Variants in RCOR1 observed in about 807,000 individuals in gnomAD.
RCOR1 encodes REST corepressor.
In RCOR1, 12 loss-of-function variants were observed where a neutral mutation model predicts 64.0. That is an observed-to-expected ratio of 0.19 (90% CI 0.12 to 0.30). The LOEUF (loss-of-function observed/expected upper bound fraction) is 0.30. Among genes scored for constraint, RCOR1 ranks in the 10% least tolerant of loss-of-function variants. The probability of loss-of-function intolerance (pLI) is 1.00; values close to 1 mark genes in which losing one functional copy is unlikely to be tolerated. For synonymous variants in RCOR1, 279 were observed against 227.2 expected, an observed-to-expected ratio of 1.23 and a Z score of -2.05; for missense variants, 502 against 621.2, an observed-to-expected ratio of 0.81 and a Z score of 2.04.
In RCOR1 at chr14:102,728,521, C is replaced by CT. The variant is rs1896314285; in HGVS notation, c.*2016dup. 1 of 152,234 alleles carries CT rather than the reference C, an allele frequency of 6.6e-6. No homozygotes were observed. The highest frequency in any genetic ancestry group is 6.5e-5 in the Admixed American group (1 of 15,278). 9.4% of individuals were successfully genotyped at this position (152,234 alleles called of 1,614,324 possible). On this transcript the variant is annotated 3_prime_UTR_variant, in exon 12 of 12. Coordinates refer to ENST00000262241, the MANE Select transcript of RCOR1 (RefSeq NM_015156.4). Reference sequence around the variant, plus strand: ...TGCTTCCCTCAAGACCTCCTTCTTGCTAACAGAAGCAGTAGGCAATTGCTG... The same window carrying CT: ...TGCTTCCCTCAAGACCTCCTTCTTGCTTAACAGAAGCAGTAGGCAATTGCTG...
chr14:102,714,404 A>C lies in RCOR1; in HGVS notation c.859-19A>C, dbSNP rs112831671. The C allele has an allele frequency of 1.3e-6, 2 of 1,515,214 alleles. No homozygotes were observed. The highest frequency in any genetic ancestry group is 2.8e-5 in the African/African-American group (2 of 71,642). The allele number at this position is 1,515,214 out of a possible 1,614,324, so 93.9% of individuals were successfully genotyped here. A position where few individuals can be genotyped will look rare whatever the true frequency, so the allele number is the denominator to read the frequency against. The stretch of plus-strand genomic sequence containing the variant: ...TGACTTTTTTTAAGTTTCATTCATC[A>C]CCTGTGTATATCATGCAGGTTCCCC... On this transcript the variant is annotated intron_variant, in intron 7 of 11. Coordinates refer to ENST00000262241, the MANE Select transcript of RCOR1 (RefSeq NM_015156.4).
intron 2 of RCOR1, among the ~76,000 whole-genome samples, chr14:102,629,539 G>A (rs771417930): frequency 5.3e-5 from 8 of 150,920 alleles, no homozygotes; most frequent in East Asian, 1.9e-4. Context: ...ACGGAATTTC[G>A]AAGCTTTGTG....
intron 8 of RCOR1, among the ~76,000 whole-genome samples, chr14:102,715,107 C>T (rs1049320924): frequency 9.3e-5 from 14 of 150,592 alleles, no homozygotes; most frequent in African/African-American, 3.4e-4. Context: ...CTCGCTCTGT[C>T]GCCCAGGCTG....
At position 102,707,431 on chromosome 14, in the gene RCOR1, T is replaced by G. The variant is rs1895878573; in HGVS notation, c.579T>G (p.Asp193Glu). 6.8e-6 allele frequency: 11 copies of G among 1,613,464 alleles called. No homozygotes were observed. Among genetic ancestry groups the G allele is most frequent in the Non-Finnish European group, 9.3e-6 (11 of 1,179,728 alleles). The change falls in exon 5 of 12, where the codon GAT (aspartate) becomes GAG (glutamate). Residue 193 changes from aspartate to glutamate, a missense_variant. Physicochemically the swap from Asp to Glu is conservative, Grantham distance 45. This residue lies in a region of RCOR1 where 260 missense variants were observed against 416.4 expected (regional missense o/e 0.62). Transcript: ENST00000262241. The part of the protein sequence containing the change: ...ADLPNFTPFP[D>E]EWTVEDKVLF... ...TGCCCAACTTTACCCCTTTCCCAGA[T>G]GAGTGGACTGTGGAAGATAAAGTCT...
At chr14:102,622,021 A>G (rs1374395074) in intron 2 of RCOR1, among the ~76,000 whole-genome samples, 1 of 152,156 alleles carries the variant, frequency 6.6e-6, no homozygotes, top group African/African-American at 2.4e-5. Flanking sequence ...AACTGGGTAA[A>G]TTGTCCTACC....
In RCOR1 at chr14:102,651,057, T is replaced by C; in HGVS notation, c.362-30838T>C. 9.2e-6 allele frequency: 9 copies of C among 983,234 alleles called. No individual in the cohort carries two copies. The South Asian group carries it at 3.8e-4, about 41-fold the overall frequency. The allele number at this position is 983,234 out of a possible 1,614,324, so 60.9% of individuals were successfully genotyped here. ...CTAATTCACTAGCAGCTAATAAAAC[T>C]AACATTGTTGCACAGTACATTGTTG... On this transcript the variant is annotated intron_variant, in intron 2 of 11. Coordinates refer to ENST00000262241, the MANE Select transcript of RCOR1 (RefSeq NM_015156.4).
chr14:102,648,613 T>C (rs1392810213), intron 2 of RCOR1, among the ~76,000 whole-genome samples: 1 of 152,230 alleles, frequency 6.6e-6, no homozygotes, highest in African/African-American at 2.4e-5. Context: ...TGTGTATTTA[T>C]TTATTAGACA....
At chr14:102,617,015 T>G (rs1027944880) in intron 2 of RCOR1, among the ~76,000 whole-genome samples, 1 of 152,184 alleles carries the variant, frequency 6.6e-6, no homozygotes, top group African/African-American at 2.4e-5. Context: ...TTTTAGGAGT[T>G]GAAGGGCCAG....
chr14:102,708,961 G>C (rs1245352761), intron 6 of RCOR1, among the ~76,000 whole-genome samples: 2 of 152,076 alleles, frequency 1.3e-5, no homozygotes, highest in Non-Finnish European at 2.9e-5. Context: ...ACTTAGAGTT[G>C]CTGCTTCTTT....
chr14:102,646,906 T>C (rs2139925879), intron 2 of RCOR1, among the ~76,000 whole-genome samples: 1 of 152,180 alleles, frequency 6.6e-6, no homozygotes, highest in Non-Finnish European at 1.5e-5. Context: ...AAAGCAATTA[T>C]GATATAATAT....
chr14:102,602,394 CTTTTTTTTTTT>C (rs66743592), intron 2 of RCOR1, among the ~76,000 whole-genome samples: 2 of 104,242 alleles, frequency 1.9e-5, no homozygotes, highest in African/African-American at 7.4e-5. Flanking sequence ...CTTTTCTTTT[CTTTTTTTTTTT>C]TTTTTTTTGG....
chr14:102,690,384 G>A (rs976381104), intron 3 of RCOR1, among the ~76,000 whole-genome samples: 3 of 152,090 alleles, frequency 2.0e-5, no homozygotes, highest in African/African-American at 4.8e-5. Context: ...GTAAGTTAAA[G>A]TCAAAAGAAC....
intron 4 of RCOR1, 101 bp downstream of exon 4, chr14:102,701,431 A>C (rs1895757387): frequency 1.1e-6 from 1 of 875,002 alleles, no homozygotes; most frequent in Admixed American, 3.1e-5. Flanking sequence ...GTGTTTCTTC[A>C]TTAGCAACTT....
chr14:102,637,682 C>CA (rs1277887592), intron 2 of RCOR1, among the ~76,000 whole-genome samples: 1 of 151,488 alleles, frequency 6.6e-6, no homozygotes, highest in East Asian at 1.9e-4. Flanking sequence ...CTTAGGAGTT[C>CA]AAAACGATTT....
chr14:102,633,270 G>T lies in RCOR1; in HGVS notation c.361+39945G>T, dbSNP rs145756976. Among the ~76,000 whole-genome samples, 658 of 152,238 alleles carry T rather than the reference G, an allele frequency of 4.3e-3. 10 individuals carry two copies. The Middle Eastern group carries it at 0.058, about 13-fold the overall frequency. On this transcript the variant is annotated intron_variant, in intron 2 of 11. Coordinates refer to ENST00000262241, the MANE Select transcript of RCOR1 (RefSeq NM_015156.4). ...CAAACACCGAAAGTACAATTGGGAA[G>T]ATATAATAAAGGCTTTCACAGTTCA...
chr14:102,637,754 A>G (rs1311137494), intron 2 of RCOR1, among the ~76,000 whole-genome samples: 1 of 152,192 alleles, frequency 6.6e-6, no homozygotes, highest in African/African-American at 2.4e-5. Context: ...ATGGCTGCAA[A>G]GCGATTTTTT....
chr14:102,642,323 A>G (rs1310391266), intron 2 of RCOR1, among the ~76,000 whole-genome samples: 1 of 152,220 alleles, frequency 6.6e-6, no homozygotes, highest in East Asian at 1.9e-4. Flanking sequence ...TTTGAATTGT[A>G]GAAAATAAAA....
intron 2 of RCOR1, among the ~76,000 whole-genome samples, chr14:102,660,628 C>G (rs999577542): frequency 2.0e-5 from 3 of 152,116 alleles, no homozygotes; most frequent in African/African-American, 7.2e-5. Context: ...ACTTGGCCTC[C>G]CACAGTTTGA....
chr14:102,674,234 G>A (rs190110186), intron 2 of RCOR1, among the ~76,000 whole-genome samples: 111 of 152,250 alleles, frequency 7.3e-4, no homozygotes, highest in African/African-American at 2.6e-3. Context: ...ATTATGGAGG[G>A]TAATCAAGAG....
Sources: gnomAD v4.1 joint callset for allele counts (sites outside exome capture counted in the v4.1 genomes callset) on GRCh38, gnomAD v4.1.1 for gene constraint, gnomAD v4.1.1 regional missense constraint, MANE v1.5 for transcripts, NCBI Gene and HGNC (gene_info 2026-07-23, HGNC 2026-07-21) for gene names.